The following SAMMSON variants were observed in gnomAD, a reference collection of about 807,000 sequenced individuals.
SAMMSON encodes the protein survival associated mitochondrial melanoma specific oncogenic non-coding RNA, also known as long intergenic non-protein coding RNA 1212.
chr3:70,051,652 A>T (rs777444902), intron 3 of SAMMSON, among the ~76,000 whole-genome samples: 10 of 151,782 alleles, frequency 6.6e-5, no homozygotes, highest in Non-Finnish European at 1.2e-4. Flanking sequence ...ATTTTATATA[A>T]CTAGCATCTT....
At chr3:70,005,110 T>A (rs1222282540) in intron 1 of SAMMSON, among the ~76,000 whole-genome samples, 1 of 152,174 alleles carries the variant, frequency 6.6e-6, no homozygotes, top group Non-Finnish European at 1.5e-5. Flanking sequence ...CTGTTGAAAT[T>A]TCATTGAAGG....
chr3:70,037,321 G>T (rs1336501331), intron 3 of SAMMSON, among the ~76,000 whole-genome samples: 3 of 152,024 alleles, frequency 2.0e-5, no homozygotes, highest in Non-Finnish European at 2.9e-5. Flanking sequence ...GGTCAAGCAG[G>T]GTCCTTCTCT....
At chr3:70,049,491 A>C (rs2067138742) in intron 3 of SAMMSON, among the ~76,000 whole-genome samples, 1 of 152,156 alleles carries the variant, frequency 6.6e-6, no homozygotes, top group Non-Finnish European at 1.5e-5. Context: ...TGCCATTGCC[A>C]TTTATGAACC....
At chr3:70,295,353 G>C (rs1261916194) in intron 7 of SAMMSON, among the ~76,000 whole-genome samples, 1 of 152,120 alleles carries the variant, frequency 6.6e-6, no homozygotes, top group African/African-American at 2.4e-5. Context: ...TCAAATATAG[G>C]TATGTGTGAT....
intron 2 of SAMMSON, among the ~76,000 whole-genome samples, chr3:70,405,622 G>A (rs1186357572): frequency 1.3e-5 from 2 of 152,160 alleles, no homozygotes; most frequent in Admixed American, 6.5e-5. Flanking sequence ...TAAGCTTGAA[G>A]ACATAGTAAT....
chr3:70,189,158 T>C (rs1335823219), intron 4 of SAMMSON, among the ~76,000 whole-genome samples: 5 of 152,146 alleles, frequency 3.3e-5, no homozygotes, highest in Non-Finnish European at 7.4e-5. Flanking sequence ...CCAGGAGGAA[T>C]CTTGAATTAC....
At chr3:70,246,578 A>G (rs1300239676) in intron 4 of SAMMSON, among the ~76,000 whole-genome samples, 1 of 152,234 alleles carries the variant, frequency 6.6e-6, no homozygotes, top group Non-Finnish European at 1.5e-5. Flanking sequence ...AGTTGTTAGT[A>G]TAAGGATGTT....
rs559297375 is a variant in SAMMSON, at chr3:70,067,865, CT to C, written n.418-3610del. On this transcript the variant is annotated intron_variant and non_coding_transcript_variant, in intron 3 of 9. Coordinates refer to ENST00000642114, the Ensembl canonical transcript of SAMMSON. ...AGCATCTACCATGTACATGGGAGAC[CT>C]GATTTTTTGCCCTGCTTTTGCTACT... Among the ~76,000 whole-genome samples, 862 of 152,150 alleles carry C rather than the reference CT, an allele frequency of 5.7e-3. 5 individuals are homozygous for C. The highest frequency in any genetic ancestry group is 9.7e-3 in the Non-Finnish European group (658 of 67,970).
At chr3:70,042,931 T>G (rs2067111279) in intron 3 of SAMMSON, among the ~76,000 whole-genome samples, 1 of 152,098 alleles carries the variant, frequency 6.6e-6, no homozygotes, top group Admixed American at 6.6e-5. Context: ...GAGATTTCGC[T>G]TTGCCAGTGA....
intron 4 of SAMMSON, chr3:70,172,190 G>A (rs1360617662): frequency 1.3e-5 from 2 of 151,340 alleles, no homozygotes; most frequent in African/African-American, 4.9e-5. Context: ...GTAACCACAG[G>A]CCAGGTAAAA....
intron 2 of SAMMSON, among the ~76,000 whole-genome samples, chr3:70,415,855 A>G (rs1352338947): frequency 6.6e-6 from 1 of 152,166 alleles, no homozygotes; most frequent in African/African-American, 2.4e-5. Flanking sequence ...TTAATTATGT[A>G]ATCTTACAAA....
intron 4 of SAMMSON, among the ~76,000 whole-genome samples, chr3:70,168,705 CGTGGA>C (rs1553643006): frequency 6.6e-6 from 1 of 151,942 alleles, no homozygotes; most frequent in Admixed American, 6.6e-5. Flanking sequence ...ATTAGGCGTA[CGTGGA>C]GTGGAGTGTT....
chr3:70,054,962 C>T (rs1276829257), intron 3 of SAMMSON, among the ~76,000 whole-genome samples: 1 of 152,046 alleles, frequency 6.6e-6, no homozygotes, highest in African/African-American at 2.4e-5. Context: ...TTAAAAACAC[C>T]ATGCATATCA....
intron 3 of SAMMSON, among the ~76,000 whole-genome samples, chr3:70,023,958 G>T (rs560731907): frequency 6.6e-6 from 1 of 151,956 alleles, no homozygotes; most frequent in Non-Finnish European, 1.5e-5. Context: ...TTTTCCTTCT[G>T]CCTGTCTCCA....
chr3:70,315,896 C>A (rs1702490564), intron 7 of SAMMSON, among the ~76,000 whole-genome samples: 1 of 152,006 alleles, frequency 6.6e-6, no homozygotes, highest in Admixed American at 6.6e-5. Context: ...TTAAATGATT[C>A]CCTGTACAAA....
At chr3:70,165,670 A>G (rs2067633983) in intron 4 of SAMMSON, among the ~76,000 whole-genome samples, 1 of 151,978 alleles carries the variant, frequency 6.6e-6, no homozygotes, top group South Asian at 2.1e-4. Context: ...TCATTCCTGA[A>G]CACTCTGTCA....
At chr3:70,398,139 G>C (rs1701107425) in intron 2 of SAMMSON, among the ~76,000 whole-genome samples, 3 of 152,104 alleles carry the variant, frequency 2.0e-5, no homozygotes, top group African/African-American at 7.2e-5. Flanking sequence ...AATTACATGA[G>C]TTATAAAGCA....
At chr3:70,212,862 C>G (rs1269140563) in intron 4 of SAMMSON, among the ~76,000 whole-genome samples, 1 of 151,938 alleles carries the variant, frequency 6.6e-6, no homozygotes, top group Non-Finnish European at 1.5e-5. Context: ...GGTGCAATCA[C>G]AGTTCACTGC....
chr3:70,051,321 T>G (rs2067145104), intron 3 of SAMMSON, among the ~76,000 whole-genome samples: 1 of 150,752 alleles, frequency 6.6e-6, no homozygotes, highest in African/African-American at 2.4e-5. Flanking sequence ...AACAACATAG[T>G]TCAAGATGTA....
Sources: allele counts gnomAD v4.1 joint callset (sites outside exome capture counted in the v4.1 genomes callset), GRCh38; gene constraint gnomAD v4.1.1; transcripts MANE v1.5; gene names NCBI Gene and HGNC (gene_info 2026-07-23, HGNC 2026-07-21).